JMY: variants seen among roughly 807,000 people sequenced by gnomAD.
JMY encodes the protein junction-mediating and -regulatory protein.
A neutral mutation model predicts 103.3 loss-of-function variants in JMY; 46 were observed. The ratio of observed to expected loss-of-function variants is 0.45; its 90% CI spans 0.35 to 0.57. JMY has a LOEUF of 0.57. JMY is among the 20% of genes least tolerant of loss of function. JMY has a pLI of 0.00. For synonymous variants in JMY, 526 were observed against 489.3 expected (o/e 1.07, Z -0.99); for missense variants, 1,238 against 1,255.2 (o/e 0.99, Z 0.21).
intron 1 of JMY, among the ~76,000 whole-genome samples, chr5:79,246,066 A>G (rs1744890503): frequency 6.6e-6 from 1 of 152,168 alleles, no homozygotes; most frequent in African/African-American, 2.4e-5. Flanking sequence ...GTAGTGTTTC[A>G]TTTTGTGTGT....
chr5:79,300,044 G>A (rs1746685255), intron 4 of JMY, 109 bp from the exon 5 acceptor site: 2 of 688,186 alleles, frequency 2.9e-6, no homozygotes, highest in African/African-American at 1.9e-5. Context: ...CTTTCTGAGA[G>A]GAATTACTTA....
chr5:79,261,848 C>G (rs974854933), intron 1 of JMY, among the ~76,000 whole-genome samples: 1 of 152,198 alleles, frequency 6.6e-6, no homozygotes, highest in Non-Finnish European at 1.5e-5. Context: ...TGCTGTCAAA[C>G]TCCTGGCCTC....
Position 79,273,120 on chromosome 5 carries a change from A to G in JMY, c.1033-4790A>G, listed in dbSNP as rs148574783. Among the ~76,000 whole-genome samples, 7 of 152,366 alleles carry G rather than the reference A, an allele frequency of 4.6e-5. No individual in the cohort carries two copies. The South Asian group carries it at 1.2e-3, about 27-fold the overall frequency. ...AAGAGGAAAAATAGTCTATTTTCCT[A>G]CTAATATCATTTCCAGCAATCTTTA... On this transcript the variant is annotated intron_variant, in intron 1 of 10. Coordinates refer to ENST00000396137, the MANE Select transcript of JMY (RefSeq NM_152405.5).
At chr5:79,279,919 C>T (rs1242024705) in intron 2 of JMY, among the ~76,000 whole-genome samples, 1 of 152,164 alleles carries the variant, frequency 6.6e-6, no homozygotes, top group Non-Finnish European at 1.5e-5. Context: ...TCTCAGCTCA[C>T]TGCAGTCTCG....
intron 1 of JMY, among the ~76,000 whole-genome samples, chr5:79,250,452 A>G (rs934427885): frequency 5.3e-5 from 8 of 151,978 alleles, no homozygotes; most frequent in African/African-American, 7.2e-5. Flanking sequence ...TTCTGTATTT[A>G]CCTTTACTTT....
chr5:79,248,865 C>G (rs1744992966), intron 1 of JMY, among the ~76,000 whole-genome samples: 2 of 152,102 alleles, frequency 1.3e-5, no homozygotes, highest in Non-Finnish European at 2.9e-5. Context: ...CTCTAGTGAT[C>G]CTCCCGCCTC....
At chr5:79,284,617 G>C (rs1363748397) in intron 2 of JMY, 2 of 1,547,914 alleles carry the variant, frequency 1.3e-6, no homozygotes, top group Admixed American at 3.3e-5. Flanking sequence ...TAAGATCCAT[G>C]CCATGGAAGT....
chr5:79,310,057 C>CTTTT (rs55994052), intron 7 of JMY, among the ~76,000 whole-genome samples: 1,485 of 73,660 alleles, frequency 0.02, 312 homozygotes, highest in African/African-American at 0.089. Context: ...CTTTCTTTTC[C>CTTTT]TTTTTTTTTT....
chr5:79,305,116 C>T (rs1580367459), intron 6 of JMY, among the ~76,000 whole-genome samples: 1 of 152,324 alleles, frequency 6.6e-6, no homozygotes, highest in African/African-American at 2.4e-5. Flanking sequence ...TAACAGTTTA[C>T]TGACTTCAAA....
At chr5:79,244,697 CTT>C (rs1348739309) in intron 1 of JMY, among the ~76,000 whole-genome samples, 1 of 149,916 alleles carries the variant, frequency 6.7e-6, no homozygotes, top group Admixed American at 6.7e-5. Flanking sequence ...TCCTGTGGCT[CTT>C]TTCACTCTCT....
intron 4 of JMY, among the ~76,000 whole-genome samples, chr5:79,294,031 T>C (rs1746498775): frequency 6.6e-6 from 1 of 152,190 alleles, no homozygotes; most frequent in Non-Finnish European, 1.5e-5. Context: ...CTGGAAGTGT[T>C]ATTAAAATAA....
chr5:79,244,931 TAA>T (rs1467003485), intron 1 of JMY, among the ~76,000 whole-genome samples: 1 of 152,014 alleles, frequency 6.6e-6, no homozygotes, highest in Non-Finnish European at 1.5e-5. Flanking sequence ...ACAGCATATC[TAA>T]GTTATTAAAC....
chr5:79,258,324 T>G (rs1428607470), intron 1 of JMY, among the ~76,000 whole-genome samples: 1 of 149,824 alleles, frequency 6.7e-6, no homozygotes, highest in Non-Finnish European at 1.5e-5. Context: ...GTTTTTTTTT[T>G]TTTTTTGACA....
At chr5:79,260,933 G>A (rs1237055205) in intron 1 of JMY, among the ~76,000 whole-genome samples, 1 of 152,100 alleles carries the variant, frequency 6.6e-6, no homozygotes, top group Non-Finnish European at 1.5e-5. Context: ...CAGTATCATT[G>A]CTGGGGTAGG....
intron 6 of JMY, among the ~76,000 whole-genome samples, chr5:79,303,423 G>C (rs985765074): frequency 6.6e-6 from 1 of 151,992 alleles, no homozygotes; most frequent in South Asian, 2.1e-4. Context: ...AAAGAGCAAG[G>C]GAAGGTGGTG....
intron 1 of JMY, among the ~76,000 whole-genome samples, chr5:79,259,761 G>C (rs183581197): frequency 6.6e-6 from 1 of 152,226 alleles, no homozygotes; most frequent in East Asian, 1.9e-4. Context: ...TGGAACAGGC[G>C]CTGATATTGA....
intron 9 of JMY, among the ~76,000 whole-genome samples, chr5:79,315,410 T>G (rs1241554708): frequency 6.6e-6 from 1 of 152,194 alleles, no homozygotes; most frequent in East Asian, 1.9e-4. Flanking sequence ...AAATTATTTC[T>G]AAAAAGAGCA....
At chr5:79,256,465 C>T (rs1393542056) in intron 1 of JMY, among the ~76,000 whole-genome samples, 4 of 152,040 alleles carry the variant, frequency 2.6e-5, no homozygotes, top group Non-Finnish European at 5.9e-5. Context: ...TGCCAGGAAT[C>T]AAGCAGAAGT....
chr5:79,283,512 G>C (rs1295212184), intron 2 of JMY, among the ~76,000 whole-genome samples: 1 of 152,092 alleles, frequency 6.6e-6, no homozygotes, highest in Non-Finnish European at 1.5e-5. Flanking sequence ...TATCTCACCT[G>C]TTAAGTATTA....
Sources: allele counts gnomAD v4.1 joint callset (sites outside exome capture counted in the v4.1 genomes callset), GRCh38; gene constraint gnomAD v4.1.1; transcripts MANE v1.5; gene names NCBI Gene and HGNC (gene_info 2026-07-23, HGNC 2026-07-21).